The following PEX16 variants were observed in gnomAD, a reference collection of about 807,000 sequenced individuals.
PEX16 encodes peroxin 16.
Under a neutral mutation model 50.5 loss-of-function variants are expected in PEX16, and 37 were observed. That is an observed-to-expected ratio of 0.73 (90% CI 0.56 to 0.96). The LOEUF is 0.96. Ranked by LOEUF, PEX16 falls within the 40% of genes least tolerant of loss-of-function variation. The probability of loss-of-function intolerance (pLI) is 0.00; values close to 1 mark genes in which losing one functional copy is unlikely to be tolerated. For missense variants in PEX16, 401 were observed against 438.3 expected, an observed-to-expected ratio of 0.91 and a Z score of 0.76; for synonymous variants, 185 against 190.3, an observed-to-expected ratio of 0.97 and a Z score of 0.23.
chr11:45,909,756 T>C lies in PEX16; in HGVS notation c.*498A>G. On this transcript the variant is annotated 3_prime_UTR_variant, in exon 11 of 11. Transcript: ENST00000378750. Reference sequence around the variant, plus strand: ...GAGCCAGGCTCACTGTTCACCAGGCTCTGTCACAGGGAGGCTGGCAACGCC... The same window carrying C: ...GAGCCAGGCTCACTGTTCACCAGGCCCTGTCACAGGGAGGCTGGCAACGCC... 2.4e-6 allele frequency: 1 copy of C among 416,758 alleles called. No homozygotes were observed. The highest frequency in any genetic ancestry group is 4.5e-6 in the Non-Finnish European group (1 of 224,406). 25.8% of individuals were successfully genotyped at this position (416,758 alleles called of 1,614,324 possible). A position where few individuals can be genotyped will look rare whatever the true frequency, so the allele number is the denominator to read the frequency against.
At chr11:45,913,983 G>A (rs1239454568) in intron 8 of PEX16, 45 bp from the exon 9 acceptor site, 1 of 1,609,470 alleles carries the variant, frequency 6.2e-7, no homozygotes, top group Non-Finnish European at 8.5e-7. Context: ...GCATGATCTA[G>A]GCCCACGGAA....
intron 9 of PEX16, among the ~76,000 whole-genome samples, 153 bp downstream of exon 9, chr11:45,913,666 C>G (rs1454775043): frequency 6.6e-6 from 1 of 152,218 alleles, no homozygotes; most frequent in Non-Finnish European, 1.5e-5. Flanking sequence ...GCGGGCGGGA[C>G]TGGGCTGGCA....
At chr11:45,916,715 G>A (rs2086840090) in intron 2 of PEX16, among the ~76,000 whole-genome samples, 1 of 152,172 alleles carries the variant, frequency 6.6e-6, no homozygotes, top group African/African-American at 2.4e-5. Context: ...TGTTGCCCAG[G>A]CTGGAGTGCA....
In PEX16 at chr11:45,913,913, C is replaced by A; in HGVS notation, c.793G>T (p.Gly265Cys). 1 of 1,613,256 alleles carries A rather than the reference C, an allele frequency of 6.2e-7. No individual in the cohort carries two copies. Among genetic ancestry groups the A allele is most frequent in the Non-Finnish European group, 8.5e-7 (1 of 1,179,986 alleles). Reference sequence around the variant, plus strand: ...TCCCGCCGCTCCCTCCGGGTCAGGCCCTTTCTGTCACTCAGGAGGCTCAGG... The same window carrying A: ...TCCCGCCGCTCCCTCCGGGTCAGGCACTTTCTGTCACTCAGGAGGCTCAGG... Reference protein sequence around the residue: ...TSLSLLSDRKGLTRRERRELR... With the variant: ...TSLSLLSDRKCLTRRERRELR... The change falls in exon 9 of 11, where the codon GGC becomes TGC. Residue 265 changes from glycine to cysteine, a missense_variant. Physicochemically the swap from Gly to Cys is radical, Grantham distance 159. Transcript: ENST00000378750.
At chr11:45,911,868 T>C (rs2086781993) in intron 9 of PEX16, 2 of 151,350 alleles carry the variant, frequency 1.3e-5, no homozygotes, top group Non-Finnish European at 2.9e-5. Flanking sequence ...TACTAAAAAA[T>C]ACAAAATTAG....
rs1565080881 is a variant in PEX16, at chr11:45,914,281, AGTG to A, written c.694+32_694+34del. ...ACTCCCCACTCAATCCCCAGCCCAC[AGTG>A]CCAGCCCTATCCTGCCCCGCGCTAA... On this transcript the variant is annotated intron_variant, in intron 7 of 10. Coordinates refer to ENST00000378750, the MANE Select transcript of PEX16 (RefSeq NM_004813.4). The A allele has an allele frequency of 1.9e-6, 3 of 1,613,644 alleles. No homozygotes were observed. The East Asian group carries it at 6.7e-5, about 36-fold the overall frequency.
Position 45,913,952 on chromosome 11 carries a change from A to T in PEX16, c.768-14T>A, listed in dbSNP as rs1249797112. On this transcript the variant is annotated splice_polypyrimidine_tract_variant and intron_variant, in intron 8 of 10. Transcript: ENST00000378750. ...AGGAGGCTCAGGCTGGGAGGCAGGGAGGACATGGTCAGGGCCAGGGGCATG... is the reference window on the plus strand; with the variant it reads ...AGGAGGCTCAGGCTGGGAGGCAGGGTGGACATGGTCAGGGCCAGGGGCATG... 6.2e-7 allele frequency: 1 copy of T among 1,611,630 alleles called. No individual in the cohort carries two copies. The highest frequency in any genetic ancestry group is 1.3e-5 in the African/African-American group (1 of 75,004).
chr11:45,910,883 C>A lies in PEX16; in HGVS notation c.952+15G>T, dbSNP rs778357573. ...CTTCCAGCACTACAGTCATCGCGTC[C>A]CCATCCCTGCTTACTTGTGACCAGG... is the stretch of plus-strand genomic sequence containing the variant. On this transcript the variant is annotated intron_variant, in intron 10 of 10. Coordinates refer to ENST00000378750, the MANE Select transcript of PEX16 (RefSeq NM_004813.4). The A allele has an allele frequency of 6.2e-7, 1 of 1,612,188 alleles. No homozygotes were observed. The highest frequency in any genetic ancestry group is 8.5e-7 in the Non-Finnish European group (1 of 1,178,670).
chr11:45,917,506 T>C lies in PEX16; in HGVS notation c.113-13A>G. 6.2e-7 allele frequency: 1 copy of C among 1,613,570 alleles called. No homozygotes were observed. The highest frequency in any genetic ancestry group is 2.2e-5 in the East Asian group (1 of 44,834). ...TCGGCGAATCGACCTGGGGAGAGGG[T>C]ACAGAAGGAGGTGTGAGTGAGCATC... On this transcript the variant is annotated splice_polypyrimidine_tract_variant and intron_variant, in intron 1 of 10. Transcript: ENST00000378750.
rs1314002727 is a variant in PEX16 at position 45,915,572 on chromosome 11, G to A, written c.360-4C>T. The A allele has an allele frequency of 6.2e-7, 1 of 1,613,852 alleles. No homozygotes were observed. The highest frequency in any genetic ancestry group is 2.2e-5 in the East Asian group (1 of 44,872). On this transcript the variant is annotated splice_region_variant and splice_polypyrimidine_tract_variant and intron_variant, in intron 4 of 10. Transcript: ENST00000378750. The stretch of plus-strand genomic sequence containing the variant: ...CAGGAGCATCCGCAGTACAGCCCTG[G>A]GTCGGGGAGTATGTCAGGGTTGTGG...
Position 45,910,124 on chromosome 11 carries a change from A to T in PEX16, c.*130T>A, listed in dbSNP as rs192938944. On this transcript the variant is annotated 3_prime_UTR_variant, in exon 11 of 11. Coordinates refer to ENST00000378750, the MANE Select transcript of PEX16 (RefSeq NM_004813.4). ...CCTGGGAGGAACGCTGGTGGCGACC[A>T]GGGCTGTGTGTGGGGCCTGGCCGGT... The T allele has an allele frequency of 6.8e-6, 11 of 1,611,658 alleles. No homozygotes were observed. The African/African-American group carries it at 1.3e-4, about 20-fold the overall frequency.
intron 2 of PEX16, chr11:45,917,255 A>G: frequency 1.5e-6 from 1 of 687,322 alleles, no homozygotes; most frequent in Non-Finnish European, 2.6e-6. Context: ...GAATACTCAG[A>G]TAAGGTCCCC....
At chr11:45,918,176 A>C, upstream of PEX16, 2 of 388,376 alleles carry the variant, frequency 5.1e-6, no homozygotes. Context: ...GCCGGGCGGC[A>C]GTCAGAGCAG....
In PEX16 at chr11:45,914,625, C is replaced by G; in HGVS notation, c.520G>C (p.Val174Leu). 6.2e-7 allele frequency: 1 copy of G among 1,614,222 alleles called. No homozygotes were observed. The highest frequency in any genetic ancestry group is 8.5e-7 in the Non-Finnish European group (1 of 1,180,038). The change falls in exon 6 of 11, where the codon GTG (valine) becomes CTG (leucine). Residue 174 changes from valine to leucine, a missense_variant. Physicochemically the swap from Val to Leu is conservative, Grantham distance 32. Transcript: ENST00000378750. The stretch of plus-strand genomic sequence containing the variant: ...TTACTGTTCTGGAGGGTTCGCACCA[C>G]CCGGTTTGACCGCTTCCCCACGTAG... ...QSYVGKRSNR[V>L]VRTLQNTPSL... is the part of the protein sequence containing the mutation.
intron 10 of PEX16, among the ~76,000 whole-genome samples, chr11:45,910,587 G>A (rs1243225101): frequency 2.0e-5 from 3 of 152,288 alleles, no homozygotes; most frequent in South Asian, 2.1e-4. Flanking sequence ...TCAGCAGCCC[G>A]GTGGACCCCT....
intron 6 of PEX16, 51 bp downstream of exon 6, chr11:45,914,553 G>C: frequency 6.2e-7 from 1 of 1,612,184 alleles, no homozygotes; most frequent in Non-Finnish European, 8.5e-7. Flanking sequence ...AGTCCCTCAA[G>C]CCCAGGCAGA....
chr11:45,917,499 GAGAGGGTAC>G lies in PEX16; in HGVS notation c.113-15_113-7del, dbSNP rs1184476774. The G allele has an allele frequency of 1.9e-6, 3 of 1,614,090 alleles. No homozygotes were observed. The East Asian group carries it at 6.7e-5, about 36-fold the overall frequency. On this transcript the variant is annotated splice_region_variant and splice_polypyrimidine_tract_variant and intron_variant, in intron 1 of 10. Coordinates refer to ENST00000378750, the MANE Select transcript of PEX16 (RefSeq NM_004813.4). ...GTGCGAATCGGCGAATCGACCTGGGGAGAGGGTACAGAAGGAGGTGTGAGTGAGCATCTG... is the reference window on the plus strand; with the variant it reads ...GTGCGAATCGGCGAATCGACCTGGGGAGAAGGAGGTGTGAGTGAGCATCTG...
At position 45,915,518 on chromosome 11, in the gene PEX16, G is replaced by A; in HGVS notation, c.410C>T (p.Thr137Ile). The change falls in exon 5 of 11, where the codon ACT becomes ATT. Residue 137 changes from threonine to isoleucine, a missense_variant. By Grantham distance (89) the Thr-to-Ile change is moderately conservative (BLOSUM62 -1). Coordinates refer to ENST00000378750, the MANE Select transcript of PEX16 (RefSeq NM_004813.4). ...GTCCAGTGGAACGATAGGGGGTGAA[G>A]TCTGGAGGCCAGCCTTGAACCAGAG... ...LLLWFKAGLQ[T>I]SPPIVPLDRE... is the part of the protein sequence containing the mutation. The A allele has an allele frequency of 6.2e-7, 1 of 1,614,198 alleles. No individual in the cohort carries two copies. Among genetic ancestry groups the A allele is most frequent in the Non-Finnish European group, 8.5e-7 (1 of 1,180,038 alleles).
intron 3 of PEX16, among the ~76,000 whole-genome samples, 155 bp downstream of exon 3, chr11:45,916,072 C>T (rs2086831555): frequency 6.6e-6 from 1 of 152,052 alleles, no homozygotes; most frequent in South Asian, 2.1e-4. Context: ...GGAATACTCA[C>T]ACTTTACAGG....
Sources: gnomAD v4.1 joint callset for allele counts (sites outside exome capture counted in the v4.1 genomes callset) on GRCh38, gnomAD v4.1.1 for gene constraint, MANE v1.5 for transcripts, NCBI Gene and HGNC (gene_info 2026-07-23, HGNC 2026-07-21) for gene names.